SPTB: variants seen among roughly 807,000 people sequenced by gnomAD.
SPTB encodes spectrin beta, erythrocytic.
In SPTB, 45 loss-of-function variants were observed where a neutral mutation model predicts 256.2. The ratio of observed to expected loss-of-function variants is 0.18; its 90% confidence interval spans 0.14 to 0.23. The LOEUF is 0.23. Ranked by LOEUF, SPTB falls within the 10% of genes least tolerant of loss-of-function variation. The pLI is 1.00. For missense variants in SPTB, 2,715 were observed against 3,040.4 expected, an observed-to-expected ratio of 0.89 and a Z score of 2.52; for synonymous variants, 1,231 against 1,243.1, an observed-to-expected ratio of 0.99 and a Z score of 0.21.
chr14:64,765,017 A>AGTGTGTGTGTGTGTGTGTGTGTGTGT lies in SPTB; in HGVS notation c.6345+1708_6345+1709insACACACACACACACACACACACACAC, dbSNP rs749379191. Reference sequence around the variant, plus strand: ...CTGGCCAGGCTGGAGGCCACAGAGGAGTGTGTGCGTGTGTGTGTGTGTGTG... The same window carrying AGTGTGTGTGTGTGTGTGTGTGTGTGT: ...CTGGCCAGGCTGGAGGCCACAGAGGAGTGTGTGTGTGTGTGTGTGTGTGTGTGTGTGTGCGTGTGTGTGTGTGTGTG... On this transcript the variant is annotated intron_variant, in intron 32 of 35. Coordinates refer to ENST00000644917, the MANE Select transcript of SPTB (RefSeq NM_001355436.2). Among the ~76,000 whole-genome samples the AGTGTGTGTGTGTGTGTGTGTGTGTGT allele has an allele frequency of 2.8e-4, 30 of 108,850 alleles. 1 individual carries two copies. Among genetic ancestry groups the AGTGTGTGTGTGTGTGTGTGTGTGTGT allele is most frequent in the South Asian group, 2.2e-3 (7 of 3,112 alleles). The allele number at this position is 108,850 out of a possible 152,430, so 71.4% of individuals were successfully genotyped here. A position where few individuals can be genotyped will look rare whatever the true frequency, so the allele number is the denominator to read the frequency against.
At chr14:64,821,256 A>ATT (rs2083281741) in intron 2 of SPTB, among the ~76,000 whole-genome samples, 1 of 151,978 alleles carries the variant, frequency 6.6e-6, no homozygotes, top group South Asian at 2.1e-4. Flanking sequence ...AACATAGTTC[A>ATT]TTTTTCCCTA....
At chr14:64,794,241 A>G (rs1357336751) in intron 13 of SPTB, among the ~76,000 whole-genome samples, 1 of 152,224 alleles carries the variant, frequency 6.6e-6, no homozygotes, top group African/African-American at 2.4e-5. Flanking sequence ...TAGCAAGGAG[A>G]ATGAAGGACA....
At chr14:64,828,876 C>T (rs2083410964) in intron 1 of SPTB, among the ~76,000 whole-genome samples, 1 of 152,104 alleles carries the variant, frequency 6.6e-6, no homozygotes, top group Non-Finnish European at 1.5e-5. Context: ...AGTGAGGTCT[C>T]AACATTGAAA....
rs747858034 is a variant in SPTB, at chr14:64,772,945, C to A, written c.5188G>T (p.Asp1730Tyr). The change falls in exon 26 of 36, where the codon GAC (aspartate) becomes TAC (tyrosine). Residue 1730 changes from aspartate (D) to tyrosine (Y), a missense_variant. This residue lies in a region of SPTB where 2,239 missense variants were observed against 2,384.4 expected (regional missense o/e 0.94). Coordinates refer to ENST00000644917, the MANE Select transcript of SPTB (RefSeq NM_001355436.2). This position sits in a 1 kb window ranked among gnomAD's most constrained non-coding sequence, Gnocchi z 5.4. Reference sequence around the variant, plus strand: ...TCCCGGGCAAAGTCCCGGAACTTGTCCCGCAGAAGCTAGGCATGGGGCAGA... The same window carrying A: ...TCCCGGGCAAAGTCCCGGAACTTGTACCGCAGAAGCTAGGCATGGGGCAGA... ...QDFDHVTLLR[D>Y]KFRDFARETG... The A allele has an allele frequency of 6.2e-7, 1 of 1,600,786 alleles. No homozygotes were observed.
Position 64,753,563 on chromosome 14 carries a change from C to T in SPTB, c.6576G>A (p.Glu2192=), listed in dbSNP as rs1357905234. The part of the protein sequence containing the change: ...EGYLGRKHDL[E]GPNKKASNRS... The stretch of plus-strand genomic sequence containing the variant: ...TGTTGGAAGCCTTCTTGTTGGGCCC[C>T]TCCAGGTCATGCTTGCGGCCCAGGT... The change falls in exon 33 of 36, where the codon GAG becomes GAA. Residue 2192 remains glutamate, a synonymous_variant. Coordinates refer to ENST00000644917, the MANE Select transcript of SPTB (RefSeq NM_001355436.2). 6.2e-7 allele frequency: 1 copy of T among 1,613,560 alleles called. No individual in the cohort carries two copies. The highest frequency in any genetic ancestry group is 1.1e-5 in the South Asian group (1 of 91,086).
At position 64,795,231 on chromosome 14, in the gene SPTB, A is replaced by T; in HGVS notation, c.1644+106T>A. 7.6e-7 allele frequency: 1 copy of T among 1,323,046 alleles called. No individual in the cohort carries two copies. The highest frequency in any genetic ancestry group is 1.0e-6 in the Non-Finnish European group (1 of 956,684). The allele number at this position is 1,323,046 out of a possible 1,614,324, so 82.0% of individuals were successfully genotyped here. A position where few individuals can be genotyped will look rare whatever the true frequency, so the allele number is the denominator to read the frequency against. ...TCAGTTTCTCTATTTTGACTCAGAG[A>T]TATGACTGGCTGGGAGGTGTCTAAG... On this transcript the variant is annotated intron_variant, in intron 12 of 35. Coordinates refer to ENST00000644917, the MANE Select transcript of SPTB (RefSeq NM_001355436.2). This position sits in a 1 kb window ranked among gnomAD's most constrained non-coding sequence, Gnocchi z 6.5.
chr14:64,750,776 CA>C (rs1294318696), intron 33 of SPTB, among the ~76,000 whole-genome samples: 7 of 141,040 alleles, frequency 5.0e-5, no homozygotes, highest in Admixed American at 1.4e-4. Flanking sequence ...GACTTAGTCT[CA>C]AAAAAAAAGT....
chr14:64,790,338 T>C lies in SPTB; in HGVS notation c.2804+1381A>G, dbSNP rs1175667079. 1.3e-5 allele frequency among the ~76,000 whole-genome samples: 2 copies of C among 152,160 alleles called. No homozygotes were observed. The highest frequency in any genetic ancestry group is 2.9e-5 in the Non-Finnish European group (2 of 68,018). ...TATAGTTTATTGTTGAGCTGATGAG[T>C]TCTTCCTCTCAGGAAGTTTCTCTGG... On this transcript the variant is annotated intron_variant, in intron 15 of 35. Coordinates refer to ENST00000644917, the MANE Select transcript of SPTB (RefSeq NM_001355436.2). The surrounding 1 kb of genome is among the most constrained non-coding windows in gnomAD (Gnocchi z 4.8).
At chr14:64,843,727 A>T (rs1465444871) in intron 1 of SPTB, among the ~76,000 whole-genome samples, 1 of 152,224 alleles carries the variant, frequency 6.6e-6, no homozygotes, top group African/African-American at 2.4e-5. Flanking sequence ...GTGGGTGTGA[A>T]CAGACGGGAA....
chr14:64,764,305 G>T lies in SPTB; in HGVS notation c.6345+2421C>A, dbSNP rs2082134965. On this transcript the variant is annotated intron_variant, in intron 32 of 35. Transcript: ENST00000644917. This position sits in a 1 kb window ranked among gnomAD's most constrained non-coding sequence, Gnocchi z 4.2. ...CCTCCTCTTTCTTGCATCGAAGGTGGATGGGGTATTAGGCCCTCCCTCTGA... is the reference window on the plus strand; with the variant it reads ...CCTCCTCTTTCTTGCATCGAAGGTGTATGGGGTATTAGGCCCTCCCTCTGA... Among the ~76,000 whole-genome samples, 3 of 152,244 alleles carry T rather than the reference G, an allele frequency of 2.0e-5. No individual in the cohort carries two copies. The South Asian group carries it at 6.2e-4, about 32-fold the overall frequency.
intron 32 of SPTB, chr14:64,754,330 CT>C (rs1193078098): frequency 5.0e-6 from 1 of 199,872 alleles, no homozygotes; most frequent in Non-Finnish European, 1.0e-5. Context: ...CTGCCCGCCC[CT>C]GCCACCTTAC....
At chr14:64,855,327 T>C (rs776532358) in intron 1 of SPTB, among the ~76,000 whole-genome samples, 1 of 152,192 alleles carries the variant, frequency 6.6e-6, no homozygotes, top group Non-Finnish European at 1.5e-5. Context: ...TAGAGATCTA[T>C]TCCCAGAGTA....
rs973704263 is a variant in SPTB at position 64,764,794 on chromosome 14, C to G, written c.6345+1932G>C. Among the ~76,000 whole-genome samples, 17 of 152,170 alleles carry G rather than the reference C, an allele frequency of 1.1e-4. No homozygotes were observed. The highest frequency in any genetic ancestry group is 2.6e-4 in the Admixed American group (4 of 15,288). ...CGTGTCCGCAGTCTGTGCCGGCCCC[C>G]CAGAGTTCGCTCTCCTTCCGGCAGG... On this transcript the variant is annotated intron_variant, in intron 32 of 35. Transcript: ENST00000644917. This position sits in a 1 kb window ranked among gnomAD's most constrained non-coding sequence, Gnocchi z 4.2.
rs2083671678 is a variant in SPTB, at chr14:64,845,282, C to A, written c.-51-22137G>T. The stretch of plus-strand genomic sequence containing the variant: ...CCTTTGAACAGAAGTAGCCGCTTAG[C>A]CCGCCAAAAGATTGGTAGTTCTGTG... On this transcript the variant is annotated intron_variant, in intron 1 of 35. Coordinates refer to ENST00000644917, the MANE Select transcript of SPTB (RefSeq NM_001355436.2). The surrounding 1 kb of genome is among the most constrained non-coding windows in gnomAD (Gnocchi z 4.8). Among the ~76,000 whole-genome samples, 1 of 152,202 alleles carries A rather than the reference C, an allele frequency of 6.6e-6. No individual in the cohort carries two copies. Among genetic ancestry groups the A allele is most frequent in the Non-Finnish European group, 1.5e-5 (1 of 68,040 alleles).
intron 22 of SPTB, among the ~76,000 whole-genome samples, chr14:64,776,897 T>C (rs186703165): frequency 4.6e-5 from 7 of 152,262 alleles, no homozygotes; most frequent in Admixed American, 3.3e-4. Context: ...AGGGACAATA[T>C]AGAAACAAGA....
At chr14:64,858,641 G>A (rs1450285408) in intron 1 of SPTB, among the ~76,000 whole-genome samples, 5 of 152,178 alleles carry the variant, frequency 3.3e-5, no homozygotes, top group Admixed American at 6.5e-5. Context: ...AGGGGGAAAC[G>A]CCAAACAAAT....
At chr14:64,769,444 T>C in intron 28 of SPTB, 146 bp downstream of exon 28, 1 of 1,147,856 alleles carries the variant, frequency 8.7e-7, no homozygotes, top group Non-Finnish European at 1.2e-6. Context: ...TCCCCGGGCC[T>C]GTGTGTAGCC....
rs148712992 is a variant in SPTB, at chr14:64,814,672, C to T, written c.148+8275G>A. 5.3e-3 allele frequency among the ~76,000 whole-genome samples: 814 copies of T among 152,248 alleles called. 8 individuals carry two copies. Among genetic ancestry groups the T allele is most frequent in the African/African-American group, 0.019 (779 of 41,522 alleles). On this transcript the variant is annotated intron_variant, in intron 2 of 35. Coordinates refer to ENST00000644917, the MANE Select transcript of SPTB (RefSeq NM_001355436.2). ...CTGGGATCACAGGCATGTGCCACCA[C>T]ACCCAGCTAATTTTTTGTATTTTTA...
intron 33 of SPTB, chr14:64,752,206 C>T (rs1451556325): frequency 1.5e-6 from 2 of 1,348,306 alleles, no homozygotes; most frequent in Non-Finnish European, 2.0e-6. Context: ...AGCCGCTTCA[C>T]TCACACGTGG....
Sources: allele counts gnomAD v4.1 joint callset (sites outside exome capture counted in the v4.1 genomes callset), GRCh38; gene constraint gnomAD v4.1.1; regional missense constraint gnomAD v4.1.1; non-coding constraint Gnocchi (gnomAD v3.1); transcripts MANE v1.5; gene names NCBI Gene and HGNC (gene_info 2026-07-23, HGNC 2026-07-21).